CTNNA3: variants seen among roughly 807,000 people sequenced by gnomAD.
The protein encoded by CTNNA3 is catenin alpha-3.
CTNNA3 carries 76 observed loss-of-function variants against 95.7 expected under a neutral mutation model. The ratio of observed to expected loss-of-function variants is 0.79; its 90% CI spans 0.66 to 0.96. The LOEUF is 0.96. Ranked by LOEUF, CTNNA3 falls within the 40% of genes least tolerant of loss-of-function variation. CTNNA3 has a pLI of 0.00. For missense variants in CTNNA3, 1,191 were observed against 1,089.8 expected, an observed-to-expected ratio of 1.09 and a Z score of -1.31; for synonymous variants, 431 against 374.4, an observed-to-expected ratio of 1.15 and a Z score of -1.74.
chr10:66,925,007 T>C (rs1301545893), intron 7 of CTNNA3, among the ~76,000 whole-genome samples: 2 of 152,188 alleles, frequency 1.3e-5, no homozygotes, highest in Non-Finnish European at 2.9e-5. Context: ...ATTTAGGCAA[T>C]TCTAATAGAA....
At chr10:66,640,669 C>T (rs371637692) in intron 9 of CTNNA3, among the ~76,000 whole-genome samples, 4 of 152,092 alleles carry the variant, frequency 2.6e-5, no homozygotes, top group South Asian at 2.1e-4. Flanking sequence ...CTCATTTTTT[C>T]GGTCTCCTTT....
At chr10:67,646,273 T>C (rs571172658) in intron 2 of CTNNA3, among the ~76,000 whole-genome samples, 1 of 151,546 alleles carries the variant, frequency 6.6e-6, no homozygotes, top group African/African-American at 2.4e-5. Context: ...TGCCTTGGCC[T>C]CCCAAAGTGC....
At chr10:67,058,047 C>G (rs1321151196) in intron 7 of CTNNA3, among the ~76,000 whole-genome samples, 1 of 152,166 alleles carries the variant, frequency 6.6e-6, no homozygotes, top group Non-Finnish European at 1.5e-5. Context: ...AGTACAGTGT[C>G]CCCAAGACCT....
intron 15 of CTNNA3, among the ~76,000 whole-genome samples, chr10:66,004,073 T>G (rs1417577935): frequency 6.6e-6 from 1 of 152,224 alleles, no homozygotes; most frequent in South Asian, 2.1e-4. Context: ...CAGTTTCAAA[T>G]GAATAGCAAG....
rs551258309 is a variant in CTNNA3 at position 67,560,459 on chromosome 10, G to T, written c.293-20790C>A. ...TGCTGAGAGATTTTGTCACCAACAG[G>T]CCTGCCCTAAAACAGCTCCTGAAGG... On this transcript the variant is annotated intron_variant, in intron 3 of 17. Coordinates refer to ENST00000433211, the MANE Select transcript of CTNNA3 (RefSeq NM_013266.4). Among the ~76,000 whole-genome samples the T allele has an allele frequency of 1.6e-3, 251 of 152,232 alleles. 1 individual carries two copies. Among genetic ancestry groups the T allele is most frequent in the African/African-American group, 5.6e-3 (232 of 41,540 alleles).
In CTNNA3 at chr10:66,016,244, CT is replaced by C. The variant is rs2079093628; in HGVS notation, c.2160-27448del. Among the ~76,000 whole-genome samples, 4 of 152,150 alleles carry C rather than the reference CT, an allele frequency of 2.6e-5. No homozygotes were observed. The South Asian group carries it at 8.3e-4, about 32-fold the overall frequency. ...CTATTTATGTAACCAGCCAGAAGGC[CT>C]AGTAGTTGTTTTGTACCATTCAGAA... On this transcript the variant is annotated intron_variant, in intron 15 of 17. Transcript: ENST00000433211.
intron 7 of CTNNA3, among the ~76,000 whole-genome samples, chr10:67,011,929 T>C (rs907050097): frequency 6.6e-6 from 1 of 152,100 alleles, no homozygotes; most frequent in East Asian, 1.9e-4. Flanking sequence ...TGAAACCCAC[T>C]ATGGAGCCCC....
intron 2 of CTNNA3, among the ~76,000 whole-genome samples, chr10:67,611,238 A>G (rs927327409): frequency 6.6e-6 from 1 of 152,178 alleles, no homozygotes. Context: ...TAAATTGATA[A>G]GCTTAATGAA....
At chr10:66,146,084 C>A (rs999152059) in intron 13 of CTNNA3, among the ~76,000 whole-genome samples, 3 of 152,272 alleles carry the variant, frequency 2.0e-5, no homozygotes, top group Admixed American at 6.5e-5. Flanking sequence ...GATCTCTTGA[C>A]CTTGTGATCC....
rs188729234 is a variant in CTNNA3 at position 67,067,609 on chromosome 10, A to C, written c.1047+112708T>G. Among the ~76,000 whole-genome samples the C allele has an allele frequency of 4.6e-5, 7 of 152,354 alleles. No individual in the cohort carries two copies. In the East Asian group the frequency reaches 1.3e-3, roughly 29 times the overall value. On this transcript the variant is annotated intron_variant, in intron 7 of 17. Coordinates refer to ENST00000433211, the MANE Select transcript of CTNNA3 (RefSeq NM_013266.4). ...TCCCCAAGCTTATCTAATAAAAAGA[A>C]TCTCCTAGCTTTTTCCTTAGAGTAC...
At chr10:66,320,500 C>T (rs1181257157) in intron 12 of CTNNA3, among the ~76,000 whole-genome samples, 2 of 152,042 alleles carry the variant, frequency 1.3e-5, no homozygotes, top group Non-Finnish European at 2.9e-5. Context: ...GCCTTAGCTT[C>T]GTCAATTCCT....
At chr10:66,912,638 A>G (rs572610771) in intron 7 of CTNNA3, among the ~76,000 whole-genome samples, 2 of 152,296 alleles carry the variant, frequency 1.3e-5, no homozygotes, top group African/African-American at 4.8e-5. Context: ...CATTCCCTCA[A>G]TATCTATAGT....
At chr10:66,199,602 G>GTTTGTTTT (rs1485046342) in intron 13 of CTNNA3, among the ~76,000 whole-genome samples, 7 of 150,166 alleles carry the variant, frequency 4.7e-5, no homozygotes, top group Non-Finnish European at 1.5e-5. Flanking sequence ...TTGTTTGTTT[G>GTTTGTTTT]TTTGTTTTTT....
intron 7 of CTNNA3, among the ~76,000 whole-genome samples, chr10:66,800,576 T>C (rs556688181): frequency 6.6e-6 from 1 of 151,226 alleles, no homozygotes; most frequent in Non-Finnish European, 1.5e-5. Context: ...ATAAATAAAA[T>C]ATAGAAATTT....
At chr10:67,248,681 C>G (rs1300925827) in intron 5 of CTNNA3, among the ~76,000 whole-genome samples, 1 of 152,134 alleles carries the variant, frequency 6.6e-6, no homozygotes, top group Non-Finnish European at 1.5e-5. Context: ...CCAGCCTCAG[C>G]CTCCTGAAAG....
At chr10:67,390,739 G>C (rs2132767318) in intron 5 of CTNNA3, among the ~76,000 whole-genome samples, 1 of 150,084 alleles carries the variant, frequency 6.7e-6, no homozygotes, top group South Asian at 2.2e-4. Context: ...TGGGATGCAA[G>C]GCTGGTTCAA....
At position 67,180,404 on chromosome 10, in the gene CTNNA3, C is replaced by T. The variant is rs1589829718; in HGVS notation, c.960G>A (p.Thr320=). 4 of 1,613,744 alleles carry T rather than the reference C, an allele frequency of 2.5e-6. No individual in the cohort carries two copies. Among genetic ancestry groups the T allele is most frequent in the East Asian group, 4.5e-5 (2 of 44,854 alleles). Residue 320 remains threonine (T), a synonymous_variant, in exon 7 of 18, where the codon ACG becomes ACA. Transcript: ENST00000433211. The stretch of plus-strand genomic sequence containing the variant: ...TAATCCGCTCTCGGTGTAAGTCCCT[C>T]GTACATGAAGAATCCGCCAGCAGAG... The part of the protein sequence containing the change: ...GAALLADSSC[T]RDLHRERIIA...
chr10:67,711,261 AATGCGGAAGCGACTGGAAC>A (rs1278099314), intron 1 of CTNNA3, among the ~76,000 whole-genome samples: 3 of 152,228 alleles, frequency 2.0e-5, no homozygotes, highest in Non-Finnish European at 2.9e-5. Context: ...GATACCCAAA[AATGCGGAAGCGACTGGAAC>A]TGGGTAATAG....
chr10:66,362,096 ATTTTTTTTTTTTT>A, intron 12 of CTNNA3, among the ~76,000 whole-genome samples: 1 of 81,776 alleles, frequency 1.2e-5, no homozygotes, highest in Admixed American at 1.5e-4. Context: ...TTCATACACA[ATTTTTTTTTTTTT>A]TTTTTTTTTT....
Sources: allele counts gnomAD v4.1 joint callset (sites outside exome capture counted in the v4.1 genomes callset), GRCh38; gene constraint gnomAD v4.1.1; transcripts MANE v1.5; gene names NCBI Gene and HGNC (gene_info 2026-07-23, HGNC 2026-07-21).